Variants in SEMA6A observed in about 807,000 individuals in gnomAD.
SEMA6A encodes the protein semaphorin-6A.
Under a neutral mutation model 96.8 loss-of-function variants are expected in SEMA6A, and 25 were observed. The ratio of observed to expected loss-of-function variants is 0.26; its 90% CI spans 0.19 to 0.36. The LOEUF is 0.36. Ranked by LOEUF, SEMA6A falls within the 10% of genes least tolerant of loss-of-function variation. SEMA6A has a pLI of 1.00. For missense variants in SEMA6A, 1,363 were observed against 1,323.1 expected (o/e 1.03, Z -0.47); for synonymous variants, 612 against 518.0 (o/e 1.18, Z -2.46).
chr5:116,555,127 A>G (rs1021257198), intron 1 of SEMA6A, among the ~76,000 whole-genome samples: 2 of 152,154 alleles, frequency 1.3e-5, no homozygotes, highest in Non-Finnish European at 2.9e-5. Flanking sequence ...CCAGTCTCCA[A>G]GCTTTTGTTA....
rs538552936 is a variant in SEMA6A, at chr5:116,481,705, G to A, written c.1094+739C>T. Among the ~76,000 whole-genome samples the A allele has an allele frequency of 1.1e-3, 171 of 152,302 alleles. 1 individual carries two copies. The highest frequency in any genetic ancestry group is 1.9e-3 in the Admixed American group (29 of 15,300). ...AATGCTGCAATGGAGGTGTGAGTGC[G>A]TGCCACAGAAGAGAGGCACGCAAAG... On this transcript the variant is annotated intron_variant, in intron 11 of 18. Transcript: ENST00000343348.
In SEMA6A at chr5:116,470,065, G is replaced by T. The variant is rs548024220; in HGVS notation, c.1730-2318C>A. Among the ~76,000 whole-genome samples, 7 of 152,222 alleles carry T rather than the reference G, an allele frequency of 4.6e-5. No individual in the cohort carries two copies. In the East Asian group the frequency reaches 1.4e-3, roughly 29 times the overall value. On this transcript the variant is annotated intron_variant, in intron 17 of 18. Coordinates refer to ENST00000343348, the MANE Select transcript of SEMA6A (RefSeq NM_020796.5). ...ACTTATGCTTGAGGATAGGAAACAC[G>T]TGCCAGTGGTGAATTAAACAGTCAG...
At chr5:116,473,118 G>A (rs748119517) in intron 16 of SEMA6A, 25 bp from the exon 17 acceptor site, 2 of 1,584,882 alleles carry the variant, frequency 1.3e-6, no homozygotes, top group Admixed American at 3.6e-5. Flanking sequence ...GGAGGAGAAG[G>A]TTACTTAATG....
chr5:116,502,612 C>G, intron 2 of SEMA6A: 1 of 327,284 alleles, frequency 3.1e-6, no homozygotes, highest in Non-Finnish European at 5.6e-6. Flanking sequence ...GCTCAACTCG[C>G]TAGTGAACCC....
At chr5:116,526,762 A>G (rs1366997720) in intron 1 of SEMA6A, among the ~76,000 whole-genome samples, 1 of 152,166 alleles carries the variant, frequency 6.6e-6, no homozygotes, top group East Asian at 1.9e-4. Context: ...CTCCTGTTCT[A>G]TATACACGCC....
chr5:116,569,971 A>G (rs1761144794), intron 1 of SEMA6A, among the ~76,000 whole-genome samples: 1 of 152,150 alleles, frequency 6.6e-6, no homozygotes, highest in Admixed American at 6.5e-5. Context: ...TCATCTGTGT[A>G]TTATGGTTTT....
chr5:116,503,318 T>G (rs1757982392), intron 2 of SEMA6A, among the ~76,000 whole-genome samples: 1 of 152,202 alleles, frequency 6.6e-6, no homozygotes, highest in South Asian at 2.1e-4. Context: ...AGTGGGTATC[T>G]TATCAGGAGC....
chr5:116,545,568 C>T (rs1316671545), intron 1 of SEMA6A, among the ~76,000 whole-genome samples: 2 of 151,852 alleles, frequency 1.3e-5, no homozygotes, highest in South Asian at 4.2e-4. Flanking sequence ...GAAACTTCAT[C>T]TTAAAAAAAA....
chr5:116,460,784 T>G, intron 18 of SEMA6A, among the ~76,000 whole-genome samples: 1 of 5,670 alleles, frequency 1.8e-4, no homozygotes, highest in African/African-American at 5.4e-4. Context: ...TGTTAATCTC[T>G]TTTTTTTTTT....
At chr5:116,548,968 C>G (rs1760295444) in intron 1 of SEMA6A, among the ~76,000 whole-genome samples, 1 of 152,166 alleles carries the variant, frequency 6.6e-6, no homozygotes, top group African/African-American at 2.4e-5. Context: ...CTCTAAACCA[C>G]TGATTTAAAG....
intron 18 of SEMA6A, among the ~76,000 whole-genome samples, chr5:116,461,419 A>G (rs1221741029): frequency 2.0e-5 from 3 of 152,102 alleles, no homozygotes; most frequent in African/African-American, 7.2e-5. Context: ...CTGCAATAGG[A>G]TCATTTTTAC....
chr5:116,547,054 G>A (rs544387028), intron 1 of SEMA6A, among the ~76,000 whole-genome samples: 2 of 152,204 alleles, frequency 1.3e-5, no homozygotes, highest in South Asian at 4.1e-4. Flanking sequence ...CTTATTGTCT[G>A]ATTTCCATTA....
Position 116,446,666 on chromosome 5 carries a change from GT to G in SEMA6A, c.3039del (p.Lys1013AsnfsTer11). ...GATGTGGAAAGGGGAGCAAAGGATGGTTTGGGGGGTACGTCCGGCTTTAGCG... is the reference window on the plus strand; with the variant it reads ...GATGTGGAAAGGGGAGCAAAGGATGGTTGGGGGGTACGTCCGGCTTTAGCG... Reference protein sequence around the residue: ...TPSLKPDVPPKPSFAPLSTSM... With the variant: ...TPSLKPDVPPXPSFAPLSTSM... On this transcript the variant is annotated frameshift_variant, in exon 19 of 19. Coordinates refer to ENST00000343348, the MANE Select transcript of SEMA6A (RefSeq NM_020796.5). LOFTEE classifies it high-confidence loss of function. The G allele has an allele frequency of 6.4e-7, 1 of 1,551,264 alleles. No homozygotes were observed. Among genetic ancestry groups the G allele is most frequent in the Non-Finnish European group, 8.7e-7 (1 of 1,146,916 alleles).
At chr5:116,477,331 TG>T (rs1173766122) in intron 15 of SEMA6A, among the ~76,000 whole-genome samples, 6 of 152,258 alleles carry the variant, frequency 3.9e-5, no homozygotes, top group Non-Finnish European at 7.3e-5. Context: ...ATTGACGGCC[TG>T]ATGAGTAATA....
Position 116,545,652 on chromosome 5 carries a change from T to C in SEMA6A, c.-39+28533A>G, listed in dbSNP as rs1760156889. Among the ~76,000 whole-genome samples the C allele has an allele frequency of 2.6e-5, 4 of 152,134 alleles. No individual in the cohort carries two copies. The South Asian group carries it at 8.3e-4, about 32-fold the overall frequency. On this transcript the variant is annotated intron_variant, in intron 1 of 18. Coordinates refer to ENST00000343348, the MANE Select transcript of SEMA6A (RefSeq NM_020796.5). ...CGAGGAGCACCCTTTCTGCAGAAAG[T>C]AAAAATTGCCTTACTGAGAAAATTA...
chr5:116,488,028 TC>T, intron 9 of SEMA6A, 79 bp downstream of exon 9: 1 of 906,162 alleles, frequency 1.1e-6, no homozygotes, highest in Non-Finnish European at 1.7e-6. Context: ...CATTTCAAGA[TC>T]ATTTATAACA....
At chr5:116,478,242 G>C (rs1756564957) in intron 13 of SEMA6A, 88 bp from the exon 14 acceptor site, 4 of 1,462,544 alleles carry the variant, frequency 2.7e-6, no homozygotes, top group Non-Finnish European at 3.7e-6. Flanking sequence ...AGCCCACAAG[G>C]CAATCTCTTA....
chr5:116,477,877 C>G lies in SEMA6A; in HGVS notation c.1618G>C (p.Gly540Arg), dbSNP rs763552032. 1 of 1,613,854 alleles carries G rather than the reference C, an allele frequency of 6.2e-7. No homozygotes were observed. The highest frequency in any genetic ancestry group is 1.3e-5 in the African/African-American group (1 of 74,934). The change falls in exon 15 of 19, where the codon GGT becomes CGT. Residue 540 changes from glycine (G) to arginine (R), a missense_variant. Around this residue, in one of 2 missense-constraint regions of SEMA6A, gnomAD observed 883 missense variants for 763.6 expected, o/e 1.16. Transcript: ENST00000343348. ...TTGGGTGATAAATGGCTGCAGGCACCACCTTCCTTTATCCATCCACAATAT... is the reference window on the plus strand; with the variant it reads ...TTGGGTGATAAATGGCTGCAGGCACGACCTTCCTTTATCCATCCACAATAT... ...DPYCGWIKEG[G>R]ACSHLSPNSR...
Position 116,444,497 on chromosome 5 carries a change from A to G in SEMA6A, c.*2116T>C, listed in dbSNP as rs1208961656. The G allele has an allele frequency of 6.6e-6, 1 of 152,162 alleles. No individual in the cohort carries two copies. The highest frequency in any genetic ancestry group is 2.4e-5 in the African/African-American group (1 of 41,278). 9.4% of individuals were successfully genotyped at this position (152,162 alleles called of 1,614,324 possible). A position where few individuals can be genotyped will look rare whatever the true frequency, so the allele number is the denominator to read the frequency against. Reference sequence around the variant, plus strand: ...AGCAGACAAAGAGACCACCAAATATACTGTTTAAAAAAACAACAACAACAC... The same window carrying G: ...AGCAGACAAAGAGACCACCAAATATGCTGTTTAAAAAAACAACAACAACAC... On this transcript the variant is annotated 3_prime_UTR_variant, in exon 19 of 19. Coordinates refer to ENST00000343348, the MANE Select transcript of SEMA6A (RefSeq NM_020796.5).
Sources: allele counts gnomAD v4.1 joint callset (sites outside exome capture counted in the v4.1 genomes callset), GRCh38; gene constraint gnomAD v4.1.1; regional missense constraint gnomAD v4.1.1; transcripts MANE v1.5; gene names NCBI Gene and HGNC (gene_info 2026-07-23, HGNC 2026-07-21).